The following TBCK variants were observed in gnomAD, a reference collection of about 807,000 sequenced individuals.
The protein encoded by TBCK is TBC domain-containing protein kinase-like protein.
TBCK carries 99 observed loss-of-function variants against 113.4 expected under a neutral mutation model. The ratio of observed to expected loss-of-function variants is 0.87; its 90% CI spans 0.74 to 1.03. TBCK has a LOEUF of 1.03. Among genes scored for constraint, TBCK ranks in the 50% least tolerant of loss-of-function variants. The probability of loss-of-function intolerance (pLI) is 0.00; values close to 1 mark genes in which losing one functional copy is unlikely to be tolerated. For synonymous variants in TBCK, 369 were observed against 370.8 expected, an observed-to-expected ratio of 1.00 and a Z score of 0.05; for missense variants, 1,045 against 1,061.3, an observed-to-expected ratio of 0.98 and a Z score of 0.21.
intron 3 of TBCK, among the ~76,000 whole-genome samples, chr4:106,274,691 C>T (rs562639554): frequency 1.9e-4 from 29 of 152,200 alleles, no homozygotes; most frequent in African/African-American, 7.0e-4. Context: ...CGAGGGACTG[C>T]TCATTCTTTT....
At chr4:106,114,857 T>C (rs1170355105) in intron 24 of TBCK, among the ~76,000 whole-genome samples, 1 of 152,174 alleles carries the variant, frequency 6.6e-6, no homozygotes, top group African/African-American at 2.4e-5. Flanking sequence ...ACTTCCAGAC[T>C]AGGGGTTCTT....
At chr4:106,137,882 T>G (rs1245251313) in intron 23 of TBCK, among the ~76,000 whole-genome samples, 1 of 141,072 alleles carries the variant, frequency 7.1e-6, no homozygotes, top group African/African-American at 2.5e-5. Flanking sequence ...AAGAGAGTAA[T>G]TTTTTCTTTG....
intron 23 of TBCK, among the ~76,000 whole-genome samples, chr4:106,154,953 GT>G (rs377755770): frequency 1.1e-3 from 162 of 145,902 alleles, no homozygotes; most frequent in Middle Eastern, 3.6e-3. Flanking sequence ...TTACTAGTGA[GT>G]TTTTTTTTTT....
intron 1 of TBCK, among the ~76,000 whole-genome samples, chr4:106,314,534 T>C (rs1439546726): frequency 6.6e-6 from 1 of 152,038 alleles, no homozygotes; most frequent in East Asian, 1.9e-4. Context: ...TAAAAGTGGT[T>C]ATCTTTGAAG....
chr4:106,235,231 ATAAT>A, intron 15 of TBCK, 34 bp downstream of exon 15: 2 of 1,400,358 alleles, frequency 1.4e-6, no homozygotes, highest in Non-Finnish European at 2.0e-6. Flanking sequence ...CTTTCTTTGC[ATAAT>A]TAATCAGCTT....
intron 20 of TBCK, among the ~76,000 whole-genome samples, chr4:106,197,265 C>T (rs1277185145): frequency 6.6e-6 from 1 of 151,064 alleles, no homozygotes; most frequent in African/African-American, 2.4e-5. Context: ...GAAGATTCTG[C>T]CAGAGAGAGA....
chr4:106,237,370 T>C, intron 12 of TBCK: 1 of 335,472 alleles, frequency 3.0e-6, no homozygotes, highest in South Asian at 2.3e-5. Context: ...ATAAATGTTG[T>C]TCCAAATAAC....
intron 25 of TBCK, among the ~76,000 whole-genome samples, chr4:106,056,214 TC>T (rs1322974758): frequency 1.3e-5 from 2 of 151,382 alleles, no homozygotes; most frequent in African/African-American, 4.8e-5. Context: ...GGTAACAGTA[TC>T]AGCAACCTCC....
chr4:106,290,368 A>G (rs190179419), intron 3 of TBCK, among the ~76,000 whole-genome samples: 5,224 of 152,042 alleles, frequency 0.034, 298 homozygotes, highest in African/African-American at 0.12. Context: ...TAGTAGAGAC[A>G]GGGTTTCACC....
At chr4:106,074,973 C>T (rs1737994835) in intron 25 of TBCK, among the ~76,000 whole-genome samples, 1 of 152,150 alleles carries the variant, frequency 6.6e-6, no homozygotes, top group South Asian at 2.1e-4. Context: ...TGGTTAACAA[C>T]TGGAAGCCAG....
At chr4:106,064,558 A>G (rs1448854659) in intron 25 of TBCK, among the ~76,000 whole-genome samples, 3 of 151,958 alleles carry the variant, frequency 2.0e-5, no homozygotes, top group Non-Finnish European at 2.9e-5. Context: ...TTCTGAAAAG[A>G]TAAGACAAAG....
chr4:106,298,429 G>A (rs1344219206), intron 2 of TBCK, among the ~76,000 whole-genome samples: 3 of 149,886 alleles, frequency 2.0e-5, no homozygotes, highest in Non-Finnish European at 4.4e-5. Flanking sequence ...GTGAAACCTT[G>A]TCTCTACTAA....
At chr4:106,206,880 T>C (rs113031949) in intron 20 of TBCK, among the ~76,000 whole-genome samples, 7 of 152,170 alleles carry the variant, frequency 4.6e-5, no homozygotes, top group Non-Finnish European at 1.5e-5. Flanking sequence ...TTTGTTAGCT[T>C]TATCTTTAGC....
At chr4:106,169,691 T>C (rs1214720669) in intron 23 of TBCK, among the ~76,000 whole-genome samples, 1 of 152,102 alleles carries the variant, frequency 6.6e-6, no homozygotes, top group Non-Finnish European at 1.5e-5. Context: ...TTACATTTAT[T>C]GTGTACTTTA....
intron 3 of TBCK, among the ~76,000 whole-genome samples, chr4:106,273,843 G>C (rs899526682): frequency 6.6e-6 from 1 of 152,228 alleles, no homozygotes; most frequent in African/African-American, 2.4e-5. Context: ...CCAGAGCTGA[G>C]AGAGAATAAA....
At position 106,233,025 on chromosome 4, in the gene TBCK, G is replaced by GT. The variant is rs1381450500; in HGVS notation, c.1551dup (p.Leu518ThrfsTer12). On this transcript the variant is annotated frameshift_variant, in exon 17 of 26. Transcript: ENST00000394708. LOFTEE classifies it high-confidence loss of function. ...GCATGACCTTCTGGTGATGATAACAGTTCATCGTACTGATGACAGCGAGGA... is the reference window on the plus strand; with the variant it reads ...GCATGACCTTCTGGTGATGATAACAGTTTCATCGTACTGATGACAGCGAGGA... 1 of 1,611,552 alleles carries GT rather than the reference G, an allele frequency of 6.2e-7. No individual in the cohort carries two copies. The highest frequency in any genetic ancestry group is 8.5e-7 in the Non-Finnish European group (1 of 1,178,308).
chr4:106,115,612 C>G (rs73836990), intron 24 of TBCK, among the ~76,000 whole-genome samples: 2,076 of 152,142 alleles, frequency 0.014, 53 homozygotes, highest in African/African-American at 0.047. Context: ...AATACACAAT[C>G]AAAGAATCTG....
At chr4:106,272,737 T>C (rs1426112429) in intron 3 of TBCK, among the ~76,000 whole-genome samples, 3 of 152,018 alleles carry the variant, frequency 2.0e-5, no homozygotes, top group African/African-American at 7.2e-5. Context: ...CCTCGTGATC[T>C]GCCCACGTCG....
intron 2 of TBCK, among the ~76,000 whole-genome samples, chr4:106,305,250 T>A (rs1036251700): frequency 6.6e-6 from 1 of 152,082 alleles, no homozygotes; most frequent in Non-Finnish European, 1.5e-5. Context: ...TTGAAAAAAG[T>A]AAGCTTGTAA....
Sources: allele counts gnomAD v4.1 joint callset (sites outside exome capture counted in the v4.1 genomes callset), GRCh38; gene constraint gnomAD v4.1.1; transcripts MANE v1.5; gene names NCBI Gene and HGNC (gene_info 2026-07-23, HGNC 2026-07-21).